The following TCF4 variants were observed in gnomAD, a reference collection of about 807,000 sequenced individuals.
The protein encoded by TCF4 is SL3-3 enhancer factor 2.
TCF4 carries 3 observed loss-of-function variants against 82.1 expected under a neutral mutation model. That is an observed-to-expected ratio of 0.04 (90% CI 0.02 to 0.09). TCF4 has a LOEUF of 0.09. TCF4 is among the 10% of genes least tolerant of loss of function. The pLI, the probability that TCF4 is intolerant of heterozygous loss-of-function variation, is 1.00. For missense variants in TCF4, 518 were observed against 852.7 expected (o/e 0.61, Z 4.89); for synonymous variants, 276 against 309.6 (o/e 0.89, Z 1.14).
chr18:55,429,072 T>C (rs1231997822), intron 5 of TCF4, among the ~76,000 whole-genome samples: 1 of 152,202 alleles, frequency 6.6e-6, no homozygotes, highest in Non-Finnish European at 1.5e-5. Flanking sequence ...GTTACAATGA[T>C]GCAAATTTTT....
intron 6 of TCF4, among the ~76,000 whole-genome samples, chr18:55,356,557 T>G (rs1018438649): frequency 5.3e-5 from 8 of 152,166 alleles, no homozygotes; most frequent in Non-Finnish European, 1.0e-4. Flanking sequence ...TAGTTACAGT[T>G]AACCAACTAG....
intron 15 of TCF4, among the ~76,000 whole-genome samples, chr18:55,253,051 A>G (rs1031760057): frequency 2.0e-5 from 3 of 152,206 alleles, no homozygotes; most frequent in African/African-American, 7.2e-5. Context: ...CAAGGGAAAG[A>G]AAAAAAGATT....
intron 5 of TCF4, among the ~76,000 whole-genome samples, chr18:55,434,762 T>TTGTGTGTGTG (rs1433335330): frequency 9.4e-5 from 2 of 21,322 alleles, no homozygotes; most frequent in Non-Finnish European, 2.4e-4. Context: ...TCTCAAGTAT[T>TTGTGTGTGTG]CGTGTGTGTG....
At chr18:55,622,876 C>A (rs1189322494) in intron 2 of TCF4, among the ~76,000 whole-genome samples, 1 of 37,196 alleles carries the variant, frequency 2.7e-5, no homozygotes, top group Non-Finnish European at 4.7e-5. Context: ...ACTTCTTTCT[C>A]CACTCTGTGT....
intron 6 of TCF4, among the ~76,000 whole-genome samples, chr18:55,390,379 T>A (rs1368034723): frequency 2.0e-5 from 3 of 149,948 alleles, no homozygotes; most frequent in Non-Finnish European, 1.5e-5. Flanking sequence ...TGAAGTCATC[T>A]ACCTAGAGAG....
chr18:55,294,898 C>A (rs2066096307), intron 8 of TCF4, among the ~76,000 whole-genome samples: 1 of 152,142 alleles, frequency 6.6e-6, no homozygotes, highest in Admixed American at 6.5e-5. Context: ...TTTAAAATAA[C>A]AGTTGCAAGA....
intron 3 of TCF4, among the ~76,000 whole-genome samples, chr18:55,487,946 C>T (rs751307285): frequency 2.7e-4 from 41 of 151,634 alleles, no homozygotes; most frequent in Non-Finnish European, 5.0e-4. Context: ...CTTCAAAAGC[C>T]CCTGTTAAAG....
intron 8 of TCF4, among the ~76,000 whole-genome samples, chr18:55,281,519 C>A (rs1354092170): frequency 6.6e-6 from 1 of 151,990 alleles, no homozygotes; most frequent in Non-Finnish European, 1.5e-5. Flanking sequence ...TTTCAGAAAT[C>A]AATATATTTA....
At chr18:55,515,321 T>C (rs894201435) in intron 3 of TCF4, among the ~76,000 whole-genome samples, 1 of 152,158 alleles carries the variant, frequency 6.6e-6, no homozygotes, top group Non-Finnish European at 1.5e-5. Context: ...TCATCAGGCA[T>C]GTACTGAGTG....
intron 8 of TCF4, among the ~76,000 whole-genome samples, chr18:55,296,621 G>A (rs1031898378): frequency 6.6e-6 from 1 of 152,104 alleles, no homozygotes; most frequent in African/African-American, 2.4e-5. Context: ...TCTTAAAAAT[G>A]ATACGTTTCT....
At chr18:55,426,956 G>C (rs1208968853) in intron 5 of TCF4, among the ~76,000 whole-genome samples, 1 of 152,034 alleles carries the variant, frequency 6.6e-6, no homozygotes, top group East Asian at 1.9e-4. Flanking sequence ...CCAAAATACA[G>C]TCTTTTACTT....
chr18:55,541,044 C>T (rs766378096), intron 3 of TCF4, among the ~76,000 whole-genome samples: 1 of 151,930 alleles, frequency 6.6e-6, no homozygotes. Context: ...CCATAGTATA[C>T]AATTTGAAGA....
intron 8 of TCF4, among the ~76,000 whole-genome samples, chr18:55,320,323 C>T (rs778286652): frequency 3.9e-5 from 6 of 152,018 alleles, no homozygotes; most frequent in Non-Finnish European, 7.4e-5. Context: ...TTAATTACAC[C>T]GTGCTCTTTT....
intron 8 of TCF4, among the ~76,000 whole-genome samples, chr18:55,299,965 T>A (rs1337186939): frequency 6.6e-6 from 1 of 152,112 alleles, no homozygotes; most frequent in East Asian, 1.9e-4. Flanking sequence ...TTTTCCATCA[T>A]CTTATGGCCT....
At chr18:55,293,930 A>AATTTTTTTTTT (rs1568769774) in intron 8 of TCF4, among the ~76,000 whole-genome samples, 1 of 22,658 alleles carries the variant, frequency 4.4e-5, no homozygotes, top group Non-Finnish European at 1.1e-4. Context: ...CTTTCCAAGG[A>AATTTTTTTTTT]CTTTTTTTTT....
intron 2 of TCF4, among the ~76,000 whole-genome samples, chr18:55,624,914 C>G (rs765250617): frequency 2.0e-5 from 3 of 152,124 alleles, no homozygotes; most frequent in Non-Finnish European, 2.9e-5. Context: ...AATGCCTGAC[C>G]CTTCCTCATC....
rs11412432 is a variant in TCF4 at position 55,530,561 on chromosome 18, A to AGGG, written c.145+54716_145+54718dup. Reference sequence around the variant, plus strand: ...TGAAGGAGGGGAGGTGGCCCTGAAAAGGGGGGGGGAAACAGCTAAGGGGGA... The same window carrying AGGG: ...TGAAGGAGGGGAGGTGGCCCTGAAAAGGGGGGGGGGGGAAACAGCTAAGGGGGA... On this transcript the variant is annotated intron_variant, in intron 3 of 19. Coordinates refer to ENST00000354452, the MANE Select transcript of TCF4 (RefSeq NM_001083962.2). Among the ~76,000 whole-genome samples, 394 of 106,462 alleles carry AGGG rather than the reference A, an allele frequency of 3.7e-3. 3 individuals are homozygous for AGGG. The highest frequency in any genetic ancestry group is 0.012 in the African/African-American group (327 of 26,900). The allele number at this position is 106,462 out of a possible 152,430, so 69.8% of individuals were successfully genotyped here.
chr18:55,356,587 G>A (rs561385517), intron 6 of TCF4, among the ~76,000 whole-genome samples: 1 of 152,228 alleles, frequency 6.6e-6, no homozygotes, highest in Non-Finnish European at 1.5e-5. Flanking sequence ...AATAAGAAAT[G>A]TGTTATATGC....
chr18:55,483,597 T>C (rs1411750835), intron 3 of TCF4, among the ~76,000 whole-genome samples: 1 of 152,224 alleles, frequency 6.6e-6, no homozygotes, highest in Non-Finnish European at 1.5e-5. Flanking sequence ...TATATGGTCA[T>C]TGTAAAGGGA....
Sources: gnomAD v4.1 joint callset for allele counts (sites outside exome capture counted in the v4.1 genomes callset) on GRCh38, gnomAD v4.1.1 for gene constraint, MANE v1.5 for transcripts, NCBI Gene and HGNC (gene_info 2026-07-23, HGNC 2026-07-21) for gene names.